The following UIMC1 variants were observed in gnomAD, a reference collection of about 807,000 sequenced individuals.
UIMC1 encodes the protein ubiquitin interaction motif containing 1, also known as BRCA1-A complex subunit RAP80.
UIMC1 carries 42 observed loss-of-function variants against 84.9 expected under a neutral mutation model. The ratio of observed to expected loss-of-function variants is 0.49; its 90% confidence interval spans 0.39 to 0.64. The LOEUF is 0.64. Among genes scored for constraint, UIMC1 ranks in the 30% least tolerant of loss-of-function variants. UIMC1 has a pLI of 0.00. For synonymous variants in UIMC1, 281 were observed against 293.0 expected, an observed-to-expected ratio of 0.96 and a Z score of 0.42; for missense variants, 825 against 847.6, an observed-to-expected ratio of 0.97 and a Z score of 0.33.
rs529640122 is a variant in UIMC1, at chr5:176,926,548, G to A, written c.1598-15159C>T. Among the ~76,000 whole-genome samples the A allele has an allele frequency of 6.6e-5, 10 of 151,986 alleles. No homozygotes were observed. In the East Asian group the frequency reaches 1.9e-3, roughly 29 times the overall value. On this transcript the variant is annotated intron_variant, in intron 10 of 14. Coordinates refer to ENST00000511320, the MANE Select transcript of UIMC1 (RefSeq NM_001199298.2). ...GCTACTAGGGAGGCTGAGGTGGGAGGACTGCTGGAGCCCAGGAGTTCAAGG... is the reference window on the plus strand; with the variant it reads ...GCTACTAGGGAGGCTGAGGTGGGAGAACTGCTGGAGCCCAGGAGTTCAAGG...
intron 11 of UIMC1, among the ~76,000 whole-genome samples, chr5:176,909,892 C>A (rs1241417844): frequency 6.6e-6 from 1 of 152,146 alleles, no homozygotes; most frequent in East Asian, 1.9e-4. Context: ...TAACCAGTTA[C>A]ATAAAATTTC....
intron 10 of UIMC1, among the ~76,000 whole-genome samples, chr5:176,930,539 A>G (rs1466293492): frequency 6.6e-6 from 1 of 152,278 alleles, no homozygotes; most frequent in Non-Finnish European, 1.5e-5. Context: ...AGAACAATAT[A>G]CAAAAAGCAC....
At chr5:176,978,178 T>C (rs1378406620) in intron 2 of UIMC1, among the ~76,000 whole-genome samples, 1 of 151,906 alleles carries the variant, frequency 6.6e-6, no homozygotes, top group Non-Finnish European at 1.5e-5. Flanking sequence ...GAGACCATCC[T>C]GGCTACCACA....
At chr5:177,006,430 C>T (rs1379588183) in intron 1 of UIMC1, 2 of 152,152 alleles carry the variant, frequency 1.3e-5, no homozygotes, top group African/African-American at 4.8e-5. Context: ...CGGAGGGACC[C>T]ACCCCCGACT....
intron 11 of UIMC1, among the ~76,000 whole-genome samples, chr5:176,909,152 T>C (rs1369539596): frequency 6.6e-6 from 1 of 152,274 alleles, no homozygotes; most frequent in East Asian, 1.9e-4. Context: ...CAAGTCTGTC[T>C]ATATGCTGAC....
intron 1 of UIMC1, among the ~76,000 whole-genome samples, chr5:176,999,793 C>T (rs950385988): frequency 1.3e-5 from 2 of 152,106 alleles, no homozygotes; most frequent in African/African-American, 2.4e-5. Context: ...TTTCTTTATC[C>T]ATTCATCTGT....
intron 10 of UIMC1, among the ~76,000 whole-genome samples, chr5:176,928,579 GT>G (rs1762677518): frequency 6.6e-6 from 1 of 152,198 alleles, no homozygotes; most frequent in Non-Finnish European, 1.5e-5. Context: ...TTTGGATCCT[GT>G]TTTCAACAAA....
intron 1 of UIMC1, among the ~76,000 whole-genome samples, chr5:176,990,822 C>T (rs1772726416): frequency 1.3e-5 from 2 of 151,632 alleles, no homozygotes; most frequent in African/African-American, 4.9e-5. Context: ...TACAAGAGTA[C>T]ACCACAACAC....
intron 1 of UIMC1, among the ~76,000 whole-genome samples, chr5:176,993,996 G>A (rs1773241678): frequency 6.9e-6 from 1 of 143,926 alleles, no homozygotes. Context: ...TAACAAGAGT[G>A]AAACTCTATC....
At chr5:176,977,629 GCCAGGCGCAGTGGCTCACACCTGT>G (rs1770330411) in intron 2 of UIMC1, among the ~76,000 whole-genome samples, 1 of 147,742 alleles carries the variant, frequency 6.8e-6, no homozygotes. Context: ...AACAAAAAAG[GCCAGGCGCAGTGGCTCACACCTGT>G]AATTCCAGCA....
At chr5:176,954,079 G>C (rs1766261970) in intron 8 of UIMC1, among the ~76,000 whole-genome samples, 1 of 152,210 alleles carries the variant, frequency 6.6e-6, no homozygotes, top group African/African-American at 2.4e-5. Flanking sequence ...TCAGCAAACA[G>C]TTGGACTTAA....
chr5:177,021,428 G>A (rs1198110874), intron 1 of UIMC1, among the ~76,000 whole-genome samples: 3 of 152,220 alleles, frequency 2.0e-5, no homozygotes, highest in African/African-American at 7.2e-5. Context: ...AGTGTGTGTG[G>A]AAAAGTAACA....
intron 6 of UIMC1, among the ~76,000 whole-genome samples, chr5:176,968,206 TA>T (rs1768609898): frequency 6.6e-6 from 1 of 152,128 alleles, no homozygotes; most frequent in African/African-American, 2.4e-5. Flanking sequence ...ACCCCGTCTC[TA>T]CTAAAAGTAC....
intron 7 of UIMC1, among the ~76,000 whole-genome samples, chr5:176,957,851 C>G (rs1035507814): frequency 1.3e-5 from 2 of 152,130 alleles, no homozygotes; most frequent in Non-Finnish European, 2.9e-5. Context: ...GAGATTTATG[C>G]CAAGATAGCT....
chr5:176,940,488 T>C (rs531704242), intron 10 of UIMC1, among the ~76,000 whole-genome samples: 74 of 152,176 alleles, frequency 4.9e-4, no homozygotes, highest in Non-Finnish European at 1.0e-3. Flanking sequence ...CAATACCAGC[T>C]GTGTAAGTGC....
rs61100319 is a variant in UIMC1 at position 176,937,804 on chromosome 5, G to A, written c.1597+5531C>T. ...AGGGGAAGACAGGAAGGAGTGAAAAGCTAGATACTTAATACTGGGAGGTTA... is the reference window on the plus strand; with the variant it reads ...AGGGGAAGACAGGAAGGAGTGAAAAACTAGATACTTAATACTGGGAGGTTA... On this transcript the variant is annotated intron_variant, in intron 10 of 14. Coordinates refer to ENST00000511320, the MANE Select transcript of UIMC1 (RefSeq NM_001199298.2). 9.3e-3 allele frequency among the ~76,000 whole-genome samples: 1,417 copies of A among 152,252 alleles called. 22 individuals carry two copies. Among genetic ancestry groups the A allele is most frequent in the African/African-American group, 0.032 (1,327 of 41,530 alleles).
chr5:176,970,549 T>C (rs1218673815), intron 4 of UIMC1, 193 bp downstream of exon 4: 3 of 796,504 alleles, frequency 3.8e-6, no homozygotes, highest in African/African-American at 3.5e-5. Flanking sequence ...CTCTTTCATA[T>C]AGAATTAACA....
In UIMC1 at chr5:176,975,435, A is replaced by G. The variant is rs748384252; in HGVS notation, c.193T>C (p.Ser65Pro). 4 of 1,614,044 alleles carry G rather than the reference A, an allele frequency of 2.5e-6. No homozygotes were observed. The highest frequency in any genetic ancestry group is 3.4e-6 in the Non-Finnish European group (4 of 1,179,988). ...TTGGCCAAACACTTTGCTCTATTCG[A>G]CTGTTTTGTCTTCGTTTTCTGCAAC... ...NGLQKTKTKQ[S>P]NRAKCLAKRK... Residue 65 changes from serine (S) to proline (P), a missense_variant, in exon 3 of 15, where the codon TCG becomes CCG. Ser to Pro is a moderately conservative substitution (Grantham distance 74). Transcript: ENST00000511320.
intron 1 of UIMC1, among the ~76,000 whole-genome samples, chr5:176,988,149 A>C (rs1051316941): frequency 1.3e-5 from 2 of 151,634 alleles, no homozygotes; most frequent in African/African-American, 2.4e-5. Flanking sequence ...AAAAAAAAAA[A>C]AACTCAAATC....
Sources: allele counts gnomAD v4.1 joint callset (sites outside exome capture counted in the v4.1 genomes callset), GRCh38; gene constraint gnomAD v4.1.1; transcripts MANE v1.5; gene names NCBI Gene and HGNC (gene_info 2026-07-23, HGNC 2026-07-21).